The following EPHA3 variants were observed in gnomAD, a reference collection of about 807,000 sequenced individuals.
The protein encoded by EPHA3 is ephrin type-A receptor 3.
Under a neutral mutation model 107.1 loss-of-function variants are expected in EPHA3, and 42 were observed. The observed-to-expected ratio is 0.39, with a 90% CI of 0.31 to 0.51. The LOEUF (loss-of-function observed/expected upper bound fraction) is 0.51. EPHA3 is among the 20% of genes least tolerant of loss of function. The pLI is 0.78. For synonymous variants in EPHA3, 461 were observed against 424.8 expected (o/e 1.09, Z -1.05); for missense variants, 1,183 against 1,211.2 (o/e 0.98, Z 0.35).
At chr3:89,330,760 G>A (rs1243393213) in intron 3 of EPHA3, among the ~76,000 whole-genome samples, 4 of 152,094 alleles carry the variant, frequency 2.6e-5, no homozygotes, top group East Asian at 1.9e-4. Context: ...GAAATTTGTC[G>A]TTTATCCCTC....
At chr3:89,126,533 G>A (rs1462619627) in intron 1 of EPHA3, among the ~76,000 whole-genome samples, 1 of 151,554 alleles carries the variant, frequency 6.6e-6, no homozygotes, top group African/African-American at 2.4e-5. Flanking sequence ...CTAGCACAAA[G>A]TTCTGAGTAA....
chr3:89,453,331 CTATCAGATCA>C (rs1710032265), intron 15 of EPHA3, among the ~76,000 whole-genome samples: 1 of 152,084 alleles, frequency 6.6e-6, no homozygotes, highest in Non-Finnish European at 1.5e-5. Flanking sequence ...AGTAGTCTTA[CTATCAGATCA>C]TAATATGTGA....
chr3:89,114,630 G>C (rs865983323), intron 1 of EPHA3, among the ~76,000 whole-genome samples: 1 of 152,222 alleles, frequency 6.6e-6, no homozygotes, highest in South Asian at 2.1e-4. Context: ...GGGTGGGCGA[G>C]CGCAGCCTGA....
intron 2 of EPHA3, among the ~76,000 whole-genome samples, chr3:89,138,417 A>C (rs559142281): frequency 6.6e-6 from 1 of 151,974 alleles, no homozygotes; most frequent in Non-Finnish European, 1.5e-5. Context: ...ACTAAAACCC[A>C]AAAACTAAAT....
intron 5 of EPHA3, among the ~76,000 whole-genome samples, chr3:89,377,804 T>C (rs1708429626): frequency 6.6e-6 from 1 of 152,164 alleles, no homozygotes; most frequent in Admixed American, 6.5e-5. Context: ...CCAGCAACAC[T>C]TTATAATGCT....
chr3:89,416,295 G>A (rs1428771044), intron 10 of EPHA3, among the ~76,000 whole-genome samples: 1 of 151,226 alleles, frequency 6.6e-6, no homozygotes, highest in African/African-American at 2.4e-5. Context: ...ATCAAGATCT[G>A]GCAGCCATGC....
At chr3:89,323,225 ATACT>A (rs879934872) in intron 3 of EPHA3, among the ~76,000 whole-genome samples, 1 of 152,124 alleles carries the variant, frequency 6.6e-6, no homozygotes, top group African/African-American at 2.4e-5. Flanking sequence ...ATGTGTGTCA[ATACT>A]TACTAATTTC....
intron 2 of EPHA3, among the ~76,000 whole-genome samples, chr3:89,147,515 G>T (rs1296607077): frequency 6.6e-6 from 1 of 151,894 alleles, no homozygotes; most frequent in Non-Finnish European, 1.5e-5. Flanking sequence ...CACTGCAAAA[G>T]TTACAGCCAC....
Position 89,408,120 on chromosome 3 carries a change from G to A in EPHA3, c.1751G>A (p.Gly584Asp), listed in dbSNP as rs758610779. The A allele has an allele frequency of 1.2e-6, 2 of 1,612,670 alleles. No individual in the cohort carries two copies. The highest frequency in any genetic ancestry group is 1.7e-6 in the Non-Finnish European group (2 of 1,179,020). Reference protein sequence around the residue: ...HGADEKRLHFGNGHLKLPGLR... With the variant: ...HGADEKRLHFDNGHLKLPGLR... ...GCAGATGAAAAAAGACTTCATTTTGGCAATGGGCATTGTAAGTTTCTAAAC... is the reference window on the plus strand; with the variant it reads ...GCAGATGAAAAAAGACTTCATTTTGACAATGGGCATTGTAAGTTTCTAAAC... Residue 584 changes from glycine (G) to aspartate (D), a missense_variant, in exon 9 of 17, where the codon GGC becomes GAC. Gly to Asp is a moderately conservative substitution (Grantham distance 94, BLOSUM62 -1). Coordinates refer to ENST00000336596, the MANE Select transcript of EPHA3 (RefSeq NM_005233.6).
chr3:89,156,508 G>T (rs1704809651), intron 2 of EPHA3, among the ~76,000 whole-genome samples: 1 of 151,876 alleles, frequency 6.6e-6, no homozygotes, highest in African/African-American at 2.4e-5. Flanking sequence ...TGTGCTTTTG[G>T]CAAAATTCAG....
intron 2 of EPHA3, among the ~76,000 whole-genome samples, chr3:89,206,334 A>G (rs1163471813): frequency 2.0e-5 from 3 of 152,190 alleles, no homozygotes; most frequent in Admixed American, 2.0e-4. Flanking sequence ...CCTCTACACA[A>G]TATGTTCTGT....
At chr3:89,114,043 A>T (rs1707190102) in intron 1 of EPHA3, among the ~76,000 whole-genome samples, 1 of 152,142 alleles carries the variant, frequency 6.6e-6, no homozygotes, top group African/African-American at 2.4e-5. Flanking sequence ...GTGAAAATCC[A>T]CATAATCCAA....
In EPHA3 at chr3:89,167,025, C is replaced by T. The variant is rs1280244868; in HGVS notation, c.153+39752C>T. Among the ~76,000 whole-genome samples, 6 of 152,074 alleles carry T rather than the reference C, an allele frequency of 3.9e-5. No homozygotes were observed. The East Asian group carries it at 7.7e-4, about 20-fold the overall frequency. ...AGGTGAAATGGAGCATCCTTTGTTT[C>T]GTACAAAGAAAATAACTCAGGAAAA... On this transcript the variant is annotated intron_variant, in intron 2 of 16. Transcript: ENST00000336596.
chr3:89,209,035 C>G (rs1204914434), intron 2 of EPHA3, among the ~76,000 whole-genome samples: 1 of 152,124 alleles, frequency 6.6e-6, no homozygotes, highest in Non-Finnish European at 1.5e-5. Context: ...CAAAATTTGT[C>G]CTAAGGATCA....
At chr3:89,388,972 G>A (rs561272549) in intron 5 of EPHA3, among the ~76,000 whole-genome samples, 1 of 152,306 alleles carries the variant, frequency 6.6e-6, no homozygotes, top group South Asian at 2.1e-4. Context: ...AGAATCCAAT[G>A]CAGTTGGTAA....
intron 5 of EPHA3, among the ~76,000 whole-genome samples, chr3:89,348,350 G>A (rs1464799042): frequency 4.4e-5 from 6 of 136,874 alleles, no homozygotes; most frequent in African/African-American, 1.7e-4. Flanking sequence ...TTGGGAGAGT[G>A]TATGTGTCGA....
rs74692146 is a variant in EPHA3 at position 89,446,228 on chromosome 3, G to C, written c.2347-2997G>C. On this transcript the variant is annotated intron_variant, in intron 13 of 16. Transcript: ENST00000336596. ...CATGTATTTCATTAGAGAACATACT[G>C]TATAAGTCCCAGGCAAGTTAAGAGA... 8.5e-3 allele frequency among the ~76,000 whole-genome samples: 1,297 copies of C among 152,178 alleles called. 85 individuals are homozygous for C. The East Asian group carries it at 0.13, about 16-fold the overall frequency.
intron 3 of EPHA3, among the ~76,000 whole-genome samples, chr3:89,255,391 A>G (rs1247584226): frequency 1.3e-5 from 2 of 152,344 alleles, no homozygotes; most frequent in African/African-American, 4.8e-5. Flanking sequence ...GGGCTTGGTA[A>G]ACTATGGCCT....
At chr3:89,189,923 G>T (rs753193019) in intron 2 of EPHA3, among the ~76,000 whole-genome samples, 19 of 151,984 alleles carry the variant, frequency 1.3e-4, no homozygotes, top group Non-Finnish European at 2.6e-4. Flanking sequence ...TTTAATACTG[G>T]AAAACAAATT....
Sources: allele counts gnomAD v4.1 joint callset (sites outside exome capture counted in the v4.1 genomes callset), GRCh38; gene constraint gnomAD v4.1.1; transcripts MANE v1.5; gene names NCBI Gene and HGNC (gene_info 2026-07-23, HGNC 2026-07-21).